Variants in ABCA13 observed in about 807,000 individuals in gnomAD.
The protein encoded by ABCA13 is ATP binding cassette subfamily A member 13, also known as ATP-binding cassette sub-family A member 13.
A neutral mutation model predicts 478.7 loss-of-function variants in ABCA13; 476 were observed. The ratio of observed to expected loss-of-function variants is 0.99; its 90% confidence interval spans 0.92 to 1.07. ABCA13 has a LOEUF of 1.07. Among genes scored for constraint, ABCA13 ranks in the 50% least tolerant of loss-of-function variants. The pLI is 0.00. For synonymous variants in ABCA13, 2,252 were observed against 2,158.9 expected (o/e 1.04, Z -1.20); for missense variants, 6,060 against 5,910.6 (o/e 1.03, Z -0.83).
chr7:48,634,233 A>G (rs1033627746), intron 59 of ABCA13, among the ~76,000 whole-genome samples: 1 of 152,170 alleles, frequency 6.6e-6, no homozygotes, highest in South Asian at 2.1e-4. Context: ...CTTAAGAGAC[A>G]TTGGTCTGTA....
rs146667481 is a variant in ABCA13, at chr7:48,342,815, T to C, written c.10204+4360T>C. Among the ~76,000 whole-genome samples the C allele has an allele frequency of 2.9e-4, 44 of 152,316 alleles. No homozygotes were observed. In the East Asian group the frequency reaches 7.3e-3, roughly 25 times the overall value. On this transcript the variant is annotated intron_variant, in intron 29 of 61. Coordinates refer to ENST00000435803, the MANE Select transcript of ABCA13 (RefSeq NM_152701.5). ...TGTGATTTCTTTTCTTACTAGTTTT[T>C]TAATCGACAAATTCTCTCTTCAGCT... is the stretch of plus-strand genomic sequence containing the variant.
At chr7:48,539,550 C>T (rs1363285919) in intron 55 of ABCA13, among the ~76,000 whole-genome samples, 2 of 152,090 alleles carry the variant, frequency 1.3e-5, no homozygotes, top group Non-Finnish European at 2.9e-5. Flanking sequence ...TTCAGCTGTC[C>T]TCAGAAAGTG....
intron 48 of ABCA13, among the ~76,000 whole-genome samples, chr7:48,492,887 G>A (rs756309524): frequency 8.6e-5 from 13 of 151,914 alleles, no homozygotes; most frequent in African/African-American, 1.7e-4. Flanking sequence ...TTAGCTGGGC[G>A]TGTTGGTGGG....
At chr7:48,239,439 G>T (rs755883528) in intron 9 of ABCA13, 34 bp downstream of exon 9, 4 of 1,556,084 alleles carry the variant, frequency 2.6e-6, no homozygotes, top group African/African-American at 2.7e-5. Flanking sequence ...CTGTTCAAAG[G>T]TGTGCCAGTT....
chr7:48,628,088 T>G (rs1793831248), intron 59 of ABCA13, among the ~76,000 whole-genome samples: 1 of 151,944 alleles, frequency 6.6e-6, no homozygotes, highest in Non-Finnish European at 1.5e-5. Context: ...ATGCTATGCT[T>G]TCTCTTTCCC....
At chr7:48,430,435 G>A (rs1821982238) in intron 42 of ABCA13, among the ~76,000 whole-genome samples, 1 of 152,012 alleles carries the variant, frequency 6.6e-6, no homozygotes, top group African/African-American at 2.4e-5. Flanking sequence ...CAGCACTTTG[G>A]GAAGCTGAGC....
intron 1 of ABCA13, among the ~76,000 whole-genome samples, chr7:48,175,882 TAACAACAACAAC>T (rs376433232): frequency 4.6e-5 from 7 of 151,644 alleles, no homozygotes; most frequent in South Asian, 2.1e-4. Flanking sequence ...AAAGAATTAA[TAACAACAACAAC>T]AACAACAACA....
chr7:48,332,432 A>C (rs1477189235), intron 27 of ABCA13, among the ~76,000 whole-genome samples: 1 of 152,232 alleles, frequency 6.6e-6, no homozygotes, highest in Non-Finnish European at 1.5e-5. Flanking sequence ...CCAGGTATGG[A>C]AATCCACTTC....
At chr7:48,605,065 C>T (rs1791331430) in intron 58 of ABCA13, among the ~76,000 whole-genome samples, 1 of 151,992 alleles carries the variant, frequency 6.6e-6, no homozygotes, top group Admixed American at 6.6e-5. Flanking sequence ...CTTTCTTTTG[C>T]TTTCCATTTG....
chr7:48,417,845 A>C (rs6943354), intron 41 of ABCA13, among the ~76,000 whole-genome samples: 29,474 of 152,078 alleles, frequency 0.19, 3,456 homozygotes, highest in African/African-American at 0.33. Context: ...TCCCTGCCCG[A>C]AGCCCCAGCC....
chr7:48,609,762 C>T (rs80214799), intron 58 of ABCA13, among the ~76,000 whole-genome samples: 2,732 of 152,226 alleles, frequency 0.018, 82 homozygotes, highest in African/African-American at 0.062. Context: ...GCACATCTTA[C>T]GTGGCCAGAG....
intron 43 of ABCA13, among the ~76,000 whole-genome samples, chr7:48,461,670 C>T (rs1826256266): frequency 6.6e-6 from 1 of 152,120 alleles, no homozygotes; most frequent in South Asian, 2.1e-4. Flanking sequence ...TTCAGCTCAG[C>T]CCACCTGAGA....
chr7:48,240,919 T>C lies in ABCA13; in HGVS notation c.1115T>C (p.Met372Thr). 1 of 1,610,862 alleles carries C rather than the reference T, an allele frequency of 6.2e-7. No individual in the cohort carries two copies. Among genetic ancestry groups the C allele is most frequent in the South Asian group, 1.1e-5 (1 of 90,620 alleles). ...GSLLQKTLTG[M>T]GHSLEALRNQ... ...CTGCTTCAGAAGACACTCACAGGCA[T>C]GGGCCATAGTCTGGAGGCTCTCAGG... The change falls in exon 10 of 62, where the codon ATG becomes ACG. Residue 372 changes from methionine to threonine, a missense_variant. Physicochemically the swap from Met to Thr is moderately conservative, Grantham distance 81 (BLOSUM62 -1). Around this residue, in one of 3 missense-constraint regions of ABCA13, gnomAD observed 4,423 missense variants for 4,309.1 expected, o/e 1.03. Coordinates refer to ENST00000435803, the MANE Select transcript of ABCA13 (RefSeq NM_152701.5).
intron 45 of ABCA13, among the ~76,000 whole-genome samples, chr7:48,478,177 G>GAT (rs1303856508): frequency 1.8e-4 from 26 of 147,158 alleles, no homozygotes; most frequent in Non-Finnish European, 3.1e-4. Flanking sequence ...CATATATCAT[G>GAT]ATATATATAT....
intron 4 of ABCA13, 26 bp from the exon 5 acceptor site, chr7:48,221,255 T>C: frequency 9.2e-7 from 1 of 1,083,884 alleles, no homozygotes; most frequent in Non-Finnish European, 1.4e-6. Context: ...ATTGAACTAA[T>C]ATCTCTTAAA....
intron 17 of ABCA13, 22 bp from the exon 18 acceptor site, chr7:48,278,072 A>C (rs1447581083): frequency 7.2e-6 from 4 of 553,228 alleles, no homozygotes; most frequent in African/African-American, 2.0e-5. Flanking sequence ...AATTAAAAGT[A>C]TATATATATA....
intron 41 of ABCA13, among the ~76,000 whole-genome samples, chr7:48,424,025 T>C (rs911723285): frequency 2.0e-5 from 3 of 152,188 alleles, no homozygotes; most frequent in African/African-American, 7.2e-5. Flanking sequence ...GTTACAATGA[T>C]AGAAAATACC....
intron 54 of ABCA13, among the ~76,000 whole-genome samples, chr7:48,527,784 T>G (rs1585709090): frequency 6.6e-6 from 1 of 152,028 alleles, no homozygotes; most frequent in Non-Finnish European, 1.5e-5. Context: ...CACATACACA[T>G]ACACAGACAA....
chr7:48,437,737 T>C (rs1039391315), intron 42 of ABCA13, among the ~76,000 whole-genome samples: 10 of 152,058 alleles, frequency 6.6e-5, no homozygotes, highest in African/African-American at 2.4e-4. Context: ...TTTTTGCAAA[T>C]TGGTGTGGAA....
Sources: gnomAD v4.1 joint callset for allele counts (sites outside exome capture counted in the v4.1 genomes callset) on GRCh38, gnomAD v4.1.1 for gene constraint, gnomAD v4.1.1 regional missense constraint, MANE v1.5 for transcripts, NCBI Gene and HGNC (gene_info 2026-07-23, HGNC 2026-07-21) for gene names.